Variants in TEX14 observed in about 807,000 individuals in gnomAD.
TEX14 encodes the protein testis expressed 14, intercellular bridge forming factor, also known as inactive serine/threonine-protein kinase TEX14.
TEX14 carries 168 observed loss-of-function variants against 178.6 expected under a neutral mutation model. That is an observed-to-expected ratio of 0.94 (90% CI 0.83 to 1.07). The LOEUF (loss-of-function observed/expected upper bound fraction) is 1.07. TEX14 is among the 50% of genes least tolerant of loss of function. TEX14 has a pLI of 0.00. For synonymous variants in TEX14, 626 were observed against 634.1 expected, an observed-to-expected ratio of 0.99 and a Z score of 0.19; for missense variants, 1,730 against 1,753.6, an observed-to-expected ratio of 0.99 and a Z score of 0.24.
chr17:58,661,617 G>A (rs886611381), intron 1 of TEX14: 6 of 698,622 alleles, frequency 8.6e-6, no homozygotes, highest in South Asian at 1.7e-5. Flanking sequence ...AGGCTGATGC[G>A]AAATGTTGAT....
At chr17:58,623,035 T>C (rs767861084) in intron 3 of TEX14, 23 bp from the exon 4 acceptor site, 9 of 1,576,730 alleles carry the variant, frequency 5.7e-6, no homozygotes, top group Admixed American at 1.7e-5. Flanking sequence ...ATGAGTACAA[T>C]TGATGTCCAT....
intron 14 of TEX14, among the ~76,000 whole-genome samples, chr17:58,596,857 G>A (rs576893855): frequency 5.3e-5 from 8 of 152,242 alleles, no homozygotes; most frequent in African/African-American, 1.9e-4. Context: ...CGGGAGGATC[G>A]CTTGAGTCCA....
chr17:58,655,031 C>CTTT (rs1188938621), intron 1 of TEX14, among the ~76,000 whole-genome samples: 7 of 130,852 alleles, frequency 5.3e-5, no homozygotes, highest in Admixed American at 1.6e-4. Context: ...AAACTCCCTT[C>CTTT]TTTTTTTTTT....
intron 10 of TEX14, among the ~76,000 whole-genome samples, chr17:58,608,065 A>G (rs1165731691): frequency 2.0e-5 from 3 of 152,128 alleles, no homozygotes; most frequent in Non-Finnish European, 4.4e-5. Flanking sequence ...GGCAGATCGC[A>G]TGAGTCCAGG....
intron 1 of TEX14, among the ~76,000 whole-genome samples, chr17:58,662,173 C>T (rs1321354888): frequency 6.6e-6 from 1 of 151,176 alleles, no homozygotes; most frequent in Non-Finnish European, 1.5e-5. Flanking sequence ...ACTGAGTGGC[C>T]AGGCGCGGTG....
intron 24 of TEX14, 74 bp from the exon 25 acceptor site, chr17:58,570,558 C>A: frequency 9.5e-7 from 1 of 1,050,892 alleles, no homozygotes; most frequent in Non-Finnish European, 1.3e-6. Context: ...CAGTCATTTC[C>A]AGTTGTTTTG....
At chr17:58,679,048 A>C (rs1024924709) in intron 1 of TEX14, among the ~76,000 whole-genome samples, 1 of 151,774 alleles carries the variant, frequency 6.6e-6, no homozygotes, top group Non-Finnish European at 1.5e-5. Flanking sequence ...CAGCTACTCA[A>C]GAGGCTGAGG....
chr17:58,629,377 C>G (rs1257421143), intron 3 of TEX14, among the ~76,000 whole-genome samples: 1 of 150,046 alleles, frequency 6.7e-6, no homozygotes, highest in Non-Finnish European at 1.5e-5. Flanking sequence ...TTGCTTGCAG[C>G]CGGGTGGCAG....
rs1052519667 is a variant in TEX14 at position 58,569,771 on chromosome 17, C to T, written c.3818-511G>A. ...CATAATTCACAAAATCCCTATCCCC[C>T]TGAGGGAAATTCCAAGAGTTATACC... On this transcript the variant is annotated intron_variant, in intron 25 of 31. Coordinates refer to ENST00000349033, the MANE Select transcript of TEX14 (RefSeq NM_031272.5). The surrounding 1 kb of genome is among the most constrained non-coding windows in gnomAD (Gnocchi z 4.1). Among the ~76,000 whole-genome samples, 2 of 152,154 alleles carry T rather than the reference C, an allele frequency of 1.3e-5. No homozygotes were observed. The highest frequency in any genetic ancestry group is 2.9e-5 in the Non-Finnish European group (2 of 68,024).
rs117982431 is a variant in TEX14 at position 58,622,792 on chromosome 17, T to C, written c.417+55A>G. Reference sequence around the variant, plus strand: ...CTGTGCTGACCACTGGGAGCCTGACTCTCAGCCCAGTACTCTTCTAGTGGG... The same window carrying C: ...CTGTGCTGACCACTGGGAGCCTGACCCTCAGCCCAGTACTCTTCTAGTGGG... On this transcript the variant is annotated intron_variant, in intron 4 of 31. Transcript: ENST00000349033. 16,581 of 1,520,492 alleles carry C rather than the reference T, an allele frequency of 0.011. 130 individuals are homozygous for C. Among genetic ancestry groups the C allele is most frequent in the Non-Finnish European group, 0.012 (13,452 of 1,109,760 alleles). 94.2% of individuals were successfully genotyped at this position (1,520,492 alleles called of 1,614,324 possible).
intron 1 of TEX14, among the ~76,000 whole-genome samples, chr17:58,656,941 A>G (rs1473523694): frequency 1.4e-4 from 21 of 150,524 alleles, no homozygotes; most frequent in Admixed American, 1.4e-3. Context: ...AAAAAAAAAA[A>G]AAAAAAAAGA....
At chr17:58,631,608 A>G (rs1002516848) in intron 2 of TEX14, 1 of 147,790 alleles carries the variant, frequency 6.8e-6, no homozygotes. Context: ...GAAACCAACT[A>G]CTATTAACAT....
Position 58,656,690 on chromosome 17 carries a change from G to T in TEX14, c.-1-4688C>A, listed in dbSNP as rs533917525. On this transcript the variant is annotated intron_variant, in intron 1 of 31. Coordinates refer to ENST00000349033, the MANE Select transcript of TEX14 (RefSeq NM_031272.5). Reference sequence around the variant, plus strand: ...AATCGCTTGAACCTGGGAGGCAGAGGTTGCAGTGAGCCAAGATCGCACCAC... The same window carrying T: ...AATCGCTTGAACCTGGGAGGCAGAGTTTGCAGTGAGCCAAGATCGCACCAC... Among the ~76,000 whole-genome samples, 88 of 150,618 alleles carry T rather than the reference G, an allele frequency of 5.8e-4. 1 individual carries two copies. Among genetic ancestry groups the T allele is most frequent in the African/African-American group, 2.0e-3 (83 of 40,952 alleles).
At chr17:58,642,438 A>G (rs941070449) in intron 2 of TEX14, among the ~76,000 whole-genome samples, 1 of 152,148 alleles carries the variant, frequency 6.6e-6, no homozygotes, top group East Asian at 1.9e-4. Context: ...TTTTTTTCAG[A>G]AAAAGGGACA....
In TEX14 at chr17:58,557,835, C is replaced by A; in HGVS notation, c.4283G>T (p.Cys1428Phe). 1.2e-6 allele frequency: 2 copies of A among 1,611,958 alleles called. No homozygotes were observed. The highest frequency in any genetic ancestry group is 1.7e-6 in the Non-Finnish European group (2 of 1,178,878). Residue 1428 changes from cysteine to phenylalanine, a missense_variant, in exon 31 of 32, where the codon TGT becomes TTT. Cys to Phe is a radical substitution (Grantham distance 205). Around this residue, in one of 2 missense-constraint regions of TEX14, gnomAD observed 941 missense variants for 1,072.4 expected, o/e 0.88. Coordinates refer to ENST00000349033, the MANE Select transcript of TEX14 (RefSeq NM_031272.5). Reference sequence around the variant, plus strand: ...GGACCAACCTAGTCGCTTCCAAAAACAGGATTTTAGTTCATCTTGATGAAA... The same window carrying A: ...GGACCAACCTAGTCGCTTCCAAAAAAAGGATTTTAGTTCATCTTGATGAAA... ...GTSEEDELKS[C>F]FWKRLGWSES...
chr17:58,649,895 A>G (rs1027396213), intron 2 of TEX14, among the ~76,000 whole-genome samples: 1 of 151,886 alleles, frequency 6.6e-6, no homozygotes, highest in Non-Finnish European at 1.5e-5. Context: ...GCCCACCACC[A>G]TGCCTGGCTA....
chr17:58,610,351 C>T (rs1258357676), intron 10 of TEX14, among the ~76,000 whole-genome samples: 1 of 152,210 alleles, frequency 6.6e-6, no homozygotes, highest in Non-Finnish European at 1.5e-5. Context: ...TAGAAGGTAA[C>T]TGGGCTCTGG....
intron 1 of TEX14, among the ~76,000 whole-genome samples, chr17:58,685,477 T>C (rs952856428): frequency 6.8e-6 from 1 of 147,888 alleles, no homozygotes; most frequent in African/African-American, 2.5e-5. Flanking sequence ...AGATAAATAG[T>C]AGTTAATTAG....
intron 2 of TEX14, among the ~76,000 whole-genome samples, chr17:58,645,843 T>C (rs988597272): frequency 1.3e-5 from 2 of 152,190 alleles, no homozygotes; most frequent in African/African-American, 4.8e-5. Context: ...AATCCAAAGA[T>C]GCTCAAGTCC....
Sources: gnomAD v4.1 joint callset for allele counts (sites outside exome capture counted in the v4.1 genomes callset) on GRCh38, gnomAD v4.1.1 for gene constraint, gnomAD v4.1.1 regional missense constraint, Gnocchi (gnomAD v3.1) non-coding constraint, MANE v1.5 for transcripts, NCBI Gene and HGNC (gene_info 2026-07-23, HGNC 2026-07-21) for gene names.